Variants in SNX29 observed in about 807,000 individuals in gnomAD.
SNX29 encodes the protein sorting nexin-29.
SNX29 carries 78 observed loss-of-function variants against 102.1 expected under a neutral mutation model. The ratio of observed to expected loss-of-function variants is 0.76; its 90% CI spans 0.64 to 0.92. SNX29 has a LOEUF of 0.92. Among genes scored for constraint, SNX29 ranks in the 40% least tolerant of loss-of-function variants. The probability of loss-of-function intolerance (pLI) is 0.00; values close to 1 mark genes in which losing one functional copy is unlikely to be tolerated. For missense variants in SNX29, 1,280 were observed against 1,061.7 expected (o/e 1.21, Z -2.86); for synonymous variants, 580 against 414.5 (o/e 1.40, Z -4.85).
chr16:12,334,014 A>C (rs1008115510), intron 15 of SNX29, among the ~76,000 whole-genome samples: 1 of 152,106 alleles, frequency 6.6e-6, no homozygotes, highest in Non-Finnish European at 1.5e-5. Flanking sequence ...TGTGTTTGTT[A>C]AATATCTGGG....
Position 12,129,747 on chromosome 16 carries a change from G to T in SNX29, c.1584G>T (p.Gln528His), listed in dbSNP as rs577123407. Residue 528 changes from glutamine (Q) to histidine (H), a missense_variant, in exon 13 of 21, where the codon CAG (glutamine) becomes CAT (histidine). Physicochemically the swap from Gln to His is conservative, Grantham distance 24 (BLOSUM62 0). Transcript: ENST00000566228. ...EQEERQGMKV[Q>H]ALARENEVLK... Reference sequence around the variant, plus strand: ...AGGAGCGGCAGGGCATGAAGGTCCAGGCGCTGGCCAGGTAGGAGAGGGTGA... The same window carrying T: ...AGGAGCGGCAGGGCATGAAGGTCCATGCGCTGGCCAGGTAGGAGAGGGTGA... 6 of 1,608,060 alleles carry T rather than the reference G, an allele frequency of 3.7e-6. No individual in the cohort carries two copies. The South Asian group carries it at 6.7e-5, about 18-fold the overall frequency.
chr16:12,383,772 C>CTTT (rs58531196), intron 16 of SNX29, among the ~76,000 whole-genome samples: 9 of 105,958 alleles, frequency 8.5e-5, no homozygotes, highest in Non-Finnish European at 1.3e-4. Flanking sequence ...CGTCAACTTT[C>CTTT]TTTTTTTTTT....
At chr16:12,234,388 G>A (rs537635105) in intron 14 of SNX29, among the ~76,000 whole-genome samples, 39 of 152,154 alleles carry the variant, frequency 2.6e-4, no homozygotes, top group South Asian at 1.9e-3. Flanking sequence ...CAAATCTTCT[G>A]TCCATTGCTT....
intron 15 of SNX29, among the ~76,000 whole-genome samples, chr16:12,326,984 G>A (rs1440056650): frequency 1.3e-5 from 2 of 152,198 alleles, no homozygotes; most frequent in Non-Finnish European, 2.9e-5. Flanking sequence ...GGCTTTGGGG[G>A]CGTGGCTGAT....
At chr16:12,242,400 TTCAATCCTCA>T (rs1350205820) in intron 14 of SNX29, among the ~76,000 whole-genome samples, 4 of 147,772 alleles carry the variant, frequency 2.7e-5, no homozygotes, top group Non-Finnish European at 5.9e-5. Context: ...AGGAGTTACA[TTCAATCCTCA>T]TCTTGAATCC....
intron 11 of SNX29, among the ~76,000 whole-genome samples, chr16:12,088,786 TA>T (rs2151388940): frequency 6.6e-6 from 1 of 151,680 alleles, no homozygotes; most frequent in East Asian, 1.9e-4. Context: ...CCTCTACAAA[TA>T]AAAACATTTA....
chr16:11,992,252 C>G (rs2055881717), intron 1 of SNX29, among the ~76,000 whole-genome samples: 1 of 152,046 alleles, frequency 6.6e-6, no homozygotes, highest in African/African-American at 2.4e-5. Context: ...TATGATCATG[C>G]CACTGTACTT....
intron 15 of SNX29, among the ~76,000 whole-genome samples, chr16:12,354,437 A>G (rs1305043111): frequency 1.3e-5 from 2 of 152,184 alleles, no homozygotes; most frequent in African/African-American, 4.8e-5. Context: ...GCTTATGGTA[A>G]ACACAACTTG....
chr16:12,558,869 T>G (rs2078541197), intron 20 of SNX29, among the ~76,000 whole-genome samples: 1 of 152,266 alleles, frequency 6.6e-6, no homozygotes, highest in Non-Finnish European at 1.5e-5. Flanking sequence ...GCAGCCCATT[T>G]GCAGAAAATG....
chr16:12,452,805 A>T (rs945086738), intron 18 of SNX29, among the ~76,000 whole-genome samples: 2 of 152,110 alleles, frequency 1.3e-5, no homozygotes, highest in Admixed American at 6.5e-5. Flanking sequence ...AGGAACTGTC[A>T]CCTCTGCTCC....
chr16:12,225,879 C>T (rs1420655342), intron 14 of SNX29, among the ~76,000 whole-genome samples: 2 of 152,178 alleles, frequency 1.3e-5, no homozygotes, highest in African/African-American at 2.4e-5. Flanking sequence ...CACAATAATA[C>T]ACTAGAGTTA....
Position 12,569,800 on chromosome 16 carries a change from C to T in SNX29, c.*1171C>T, listed in dbSNP as rs1051363054. 19 of 230,492 alleles carry T rather than the reference C, an allele frequency of 8.2e-5. No individual in the cohort carries two copies. Among genetic ancestry groups the T allele is most frequent in the African/African-American group, 4.2e-4 (19 of 45,296 alleles). The allele number at this position is 230,492 out of a possible 1,614,324, so 14.3% of individuals were successfully genotyped here. A position where few individuals can be genotyped will look rare whatever the true frequency, so the allele number is the denominator to read the frequency against. ...AGAGCAATAGCCGTCCTCAGATGCT[C>T]AGCAAAGTTGTGGCAGTTTGCATTT... On this transcript the variant is annotated 3_prime_UTR_variant, in exon 21 of 21. Coordinates refer to ENST00000566228, the MANE Select transcript of SNX29 (RefSeq NM_032167.5).
intron 16 of SNX29, among the ~76,000 whole-genome samples, chr16:12,391,412 A>T (rs1000156483): frequency 6.6e-6 from 1 of 152,210 alleles, no homozygotes; most frequent in African/African-American, 2.4e-5. Context: ...CAGTACTGTT[A>T]CATCATTTTC....
At chr16:12,411,132 T>G (rs556421384) in intron 18 of SNX29, among the ~76,000 whole-genome samples, 10 of 152,298 alleles carry the variant, frequency 6.6e-5, no homozygotes, top group Admixed American at 5.9e-4. Context: ...ATTCCAAATT[T>G]AGGGGAGAGA....
In SNX29 at chr16:12,126,672, A is replaced by G; in HGVS notation, c.1442A>G (p.Lys481Arg). ...GCCACTGTGGCCATGATGAACAGGA[A>G]GGATGAGCTGGAGGAGGAGAACAGG... Reference protein sequence around the residue: ...RQATVAMMNRKDELEEENRSL... With the variant: ...RQATVAMMNRRDELEEENRSL... The change falls in exon 12 of 21, where the codon AAG becomes AGG. Residue 481 changes from lysine (K) to arginine (R), a missense_variant. By Grantham distance (26) the Lys-to-Arg change is conservative. Transcript: ENST00000566228. The G allele has an allele frequency of 6.2e-7, 1 of 1,614,030 alleles. No homozygotes were observed. Among genetic ancestry groups the G allele is most frequent in the East Asian group, 2.2e-5 (1 of 44,894 alleles).
At chr16:12,377,809 G>T (rs1161375722) in intron 16 of SNX29, among the ~76,000 whole-genome samples, 1 of 152,168 alleles carries the variant, frequency 6.6e-6, no homozygotes, top group East Asian at 1.9e-4. Context: ...TGTAGGTACC[G>T]TGCTTTGAAC....
intron 4 of SNX29, among the ~76,000 whole-genome samples, chr16:12,031,647 T>C (rs1032219626): frequency 6.6e-6 from 1 of 150,570 alleles, no homozygotes; most frequent in Non-Finnish European, 1.5e-5. Context: ...CTACTAAAAA[T>C]ACAAAAAATT....
chr16:12,508,314 A>G (rs2089464945), intron 19 of SNX29, among the ~76,000 whole-genome samples: 2 of 152,182 alleles, frequency 1.3e-5, no homozygotes, highest in Non-Finnish European at 2.9e-5. Context: ...GTTTCTGTAG[A>G]TAGGTGCTTG....
At chr16:12,490,644 C>T (rs1382820676) in intron 19 of SNX29, among the ~76,000 whole-genome samples, 1 of 152,136 alleles carries the variant, frequency 6.6e-6, no homozygotes, top group Non-Finnish European at 1.5e-5. Flanking sequence ...CCAAAGCAGC[C>T]ATACGGTGAT....
Sources: allele counts gnomAD v4.1 joint callset (sites outside exome capture counted in the v4.1 genomes callset), GRCh38; gene constraint gnomAD v4.1.1; transcripts MANE v1.5; gene names NCBI Gene and HGNC (gene_info 2026-07-23, HGNC 2026-07-21).